Variants in CCDC88C observed in about 807,000 individuals in gnomAD.
The protein encoded by CCDC88C is protein Daple.
A neutral mutation model predicts 198.8 loss-of-function variants in CCDC88C; 131 were observed. The ratio of observed to expected loss-of-function variants is 0.66; its 90% CI spans 0.57 to 0.76. The LOEUF (loss-of-function observed/expected upper bound fraction) is 0.76, where lower values mean the gene tolerates loss of function less well. CCDC88C is among the 30% of genes least tolerant of loss of function. The pLI is 0.00. For synonymous variants in CCDC88C, 1,166 were observed against 1,114.7 expected (o/e 1.05, Z -0.92); for missense variants, 2,553 against 2,631.6 (o/e 0.97, Z 0.65).
intron 3 of CCDC88C, among the ~76,000 whole-genome samples, chr14:91,396,820 C>G (rs1189771051): frequency 6.6e-6 from 1 of 152,068 alleles, no homozygotes; most frequent in Non-Finnish European, 1.5e-5. Context: ...CACAGGGAGA[C>G]TCTGTCTCTA....
intron 23 of CCDC88C, 120 bp from the exon 24 acceptor site, chr14:91,291,204 T>G: frequency 1.5e-6 from 1 of 650,948 alleles, no homozygotes; most frequent in Non-Finnish European, 2.7e-6. Flanking sequence ...AGGATTGAGA[T>G]GAGGGTGCTC....
rs754028369 is a variant in CCDC88C at position 91,408,730 on chromosome 14, C to T, written c.199G>A (p.Val67Ile). 14 of 1,613,760 alleles carry T rather than the reference C, an allele frequency of 8.7e-6. No homozygotes were observed. The Admixed American group carries it at 1.3e-4, about 15-fold the overall frequency. ...RPTNQRINKH[V>I]NNDVNLRIQN... ...ATGCGAAGGTTCACATCATTGTTGACGTGCTTATTGATGCGTTGATTTGTG... is the reference window on the plus strand; with the variant it reads ...ATGCGAAGGTTCACATCATTGTTGATGTGCTTATTGATGCGTTGATTTGTG... The change falls in exon 3 of 30, where the codon GTC (valine) becomes ATC (isoleucine). Residue 67 changes from valine to isoleucine, a missense_variant. By Grantham distance (29) the Val-to-Ile change is conservative. Coordinates refer to ENST00000389857, the MANE Select transcript of CCDC88C (RefSeq NM_001080414.4).
Position 91,352,644 on chromosome 14 carries a change from T to TAC in CCDC88C, c.340+6996_340+6997dup, listed in dbSNP as rs1007041046. Among the ~76,000 whole-genome samples, 8 of 152,200 alleles carry TAC rather than the reference T, an allele frequency of 5.3e-5. No individual in the cohort carries two copies. In the South Asian group the frequency reaches 8.3e-4, roughly 16 times the overall value. On this transcript the variant is annotated intron_variant, in intron 4 of 29. Coordinates refer to ENST00000389857, the MANE Select transcript of CCDC88C (RefSeq NM_001080414.4). This position sits in a 1 kb window ranked among gnomAD's most constrained non-coding sequence, Gnocchi z 4.2. ...TGCAAATATGAAAATTATATATATA[T>TAC]ACACACACACATATACACTTATACA...
chr14:91,291,543 C>A (rs1175601934), intron 23 of CCDC88C, among the ~76,000 whole-genome samples: 2 of 152,092 alleles, frequency 1.3e-5, no homozygotes, highest in African/African-American at 2.4e-5. Flanking sequence ...ATGACTCAGG[C>A]CCATTCCCAC....
intron 3 of CCDC88C, among the ~76,000 whole-genome samples, chr14:91,401,902 CA>C (rs1366700565): frequency 2.0e-5 from 3 of 152,188 alleles, no homozygotes; most frequent in African/African-American, 7.2e-5. Flanking sequence ...CCCTCTAGAC[CA>C]CACAAATGAA....
chr14:91,326,185 G>A (rs931195858), intron 10 of CCDC88C, 129 bp from the exon 11 acceptor site: 3 of 769,892 alleles, frequency 3.9e-6, no homozygotes, highest in Non-Finnish European at 6.0e-6. Context: ...GTCCGAGGCA[G>A]GAAGTTTTTC....
At chr14:91,323,427 G>A (rs59867673) in intron 12 of CCDC88C, among the ~76,000 whole-genome samples, 6,077 of 152,270 alleles carry the variant, frequency 0.04, 177 homozygotes, top group Non-Finnish European at 0.06. Flanking sequence ...AAAGTTTTAA[G>A]AGGTTAAGTA....
chr14:91,411,109 G>C (rs989716530), intron 2 of CCDC88C, among the ~76,000 whole-genome samples: 2 of 152,186 alleles, frequency 1.3e-5, no homozygotes, highest in South Asian at 4.2e-4. Context: ...TGATTATTAC[G>C]ACTCCCTCCT....
rs1330262142 is a variant in CCDC88C, at chr14:91,350,889, G to A, written c.341-7232C>T. 6.6e-5 allele frequency among the ~76,000 whole-genome samples: 10 copies of A among 152,164 alleles called. No homozygotes were observed. In the East Asian group the frequency reaches 7.7e-4, roughly 12 times the overall value. On this transcript the variant is annotated intron_variant, in intron 4 of 29. Transcript: ENST00000389857. ...ATTCTAAAAGCAATCCCCCGAGGACGGCATGATGACTCCATCTCAGAAATA... is the reference window on the plus strand; with the variant it reads ...ATTCTAAAAGCAATCCCCCGAGGACAGCATGATGACTCCATCTCAGAAATA...
At chr14:91,291,932 C>T (rs909200035) in intron 23 of CCDC88C, among the ~76,000 whole-genome samples, 3 of 152,208 alleles carry the variant, frequency 2.0e-5, no homozygotes, top group South Asian at 2.1e-4. Flanking sequence ...CACGGGGCTG[C>T]GCCCACAGTG....
intron 13 of CCDC88C, among the ~76,000 whole-genome samples, chr14:91,319,082 T>C (rs1404598751): frequency 6.6e-6 from 1 of 152,180 alleles, no homozygotes; most frequent in African/African-American, 2.4e-5. Flanking sequence ...CCATCCTGCA[T>C]GGCAGTCAGC....
In CCDC88C at chr14:91,314,113, C is replaced by G. The variant is rs772843353; in HGVS notation, c.1703G>C (p.Arg568Pro). The G allele has an allele frequency of 1.2e-6, 2 of 1,613,196 alleles. No individual in the cohort carries two copies. The highest frequency in any genetic ancestry group is 3.3e-5 in the Admixed American group (2 of 59,998). Reference protein sequence around the residue: ...DLEQEKDHLNRAMWSLRERSQ... With the variant: ...DLEQEKDHLNPAMWSLRERSQ... ...CCTCTCCCGCAGCGACCACATGGCT[C>G]GGTTGAGGTGGTCCTTTTCCTGCTC... Residue 568 changes from arginine (R) to proline (P), a missense_variant, in exon 15 of 30, where the codon CGA becomes CCA. By Grantham distance (103) the Arg-to-Pro change is moderately radical. This residue lies in a region of CCDC88C where 1,260 missense variants were observed against 1,412.0 expected (regional missense o/e 0.89). Coordinates refer to ENST00000389857, the MANE Select transcript of CCDC88C (RefSeq NM_001080414.4).
At chr14:91,311,969 TA>T (rs75525051) in intron 15 of CCDC88C, among the ~76,000 whole-genome samples, 2,375 of 151,308 alleles carry the variant, frequency 0.016, 64 homozygotes, top group East Asian at 0.11. Context: ...AAAATAAATT[TA>T]AAAAAAACTT....
In CCDC88C at chr14:91,340,095, A is replaced by G. The variant is rs138740960; in HGVS notation, c.484-71T>C. 3,166 of 1,560,516 alleles carry G rather than the reference A, an allele frequency of 2.0e-3. 47 individuals are homozygous for G. The African/African-American group carries it at 0.036, about 18-fold the overall frequency. On this transcript the variant is annotated intron_variant, in intron 6 of 29. Coordinates refer to ENST00000389857, the MANE Select transcript of CCDC88C (RefSeq NM_001080414.4). ...CGCCCACTTCCCTCACACTGCAAAC[A>G]GCATCCCCTTCCAATCAACCTTACT...
At chr14:91,279,420 C>A (rs199958645) in intron 27 of CCDC88C, 114 bp from the exon 28 acceptor site, 2 of 841,068 alleles carry the variant, frequency 2.4e-6, no homozygotes, top group Non-Finnish European at 3.7e-6. Flanking sequence ...CTAAGCCCAA[C>A]GCCCTCAGGA....
chr14:91,412,602 T>G (rs561912934), intron 2 of CCDC88C, among the ~76,000 whole-genome samples: 1 of 152,080 alleles, frequency 6.6e-6, no homozygotes, highest in African/African-American at 2.4e-5. Context: ...GCCTGGCTAA[T>G]TTTTTTGTAT....
intron 26 of CCDC88C, 103 bp downstream of exon 26, chr14:91,283,226 C>T: frequency 4.9e-6 from 6 of 1,213,332 alleles, no homozygotes; most frequent in Non-Finnish European, 6.9e-6. Flanking sequence ...CACCACCTCT[C>T]AGACTGAGAG....
intron 3 of CCDC88C, among the ~76,000 whole-genome samples, chr14:91,396,321 A>T (rs1468982144): frequency 2.0e-5 from 3 of 152,138 alleles, no homozygotes; most frequent in Non-Finnish European, 4.4e-5. Flanking sequence ...CAAAGGAGAA[A>T]CCTCTGTTTT....
Position 91,313,531 on chromosome 14 carries a change from TG to T in CCDC88C, c.2284del (p.Gln762ArgfsTer3). The T allele has an allele frequency of 6.2e-7, 1 of 1,609,978 alleles. No individual in the cohort carries two copies. On this transcript the variant is annotated frameshift_variant, in exon 15 of 30. Transcript: ENST00000389857. LOFTEE classifies it high-confidence loss of function. The surrounding 1 kb of genome is among the most constrained non-coding windows in gnomAD (Gnocchi z 5.2). Reference sequence around the variant, plus strand: ...CCGGAGGTTCTCAGCGCTCACGCTCTGGTAGCTGAGCTCCAGGCGCTCTGAC... The same window carrying T: ...CCGGAGGTTCTCAGCGCTCACGCTCTGTAGCTGAGCTCCAGGCGCTCTGAC... ...KKSERLELSY[Q>X]SVSAENLRLQ...
Sources: gnomAD v4.1 joint callset for allele counts (sites outside exome capture counted in the v4.1 genomes callset) on GRCh38, gnomAD v4.1.1 for gene constraint, gnomAD v4.1.1 regional missense constraint, Gnocchi (gnomAD v3.1) non-coding constraint, MANE v1.5 for transcripts, NCBI Gene and HGNC (gene_info 2026-07-23, HGNC 2026-07-21) for gene names.